USP35: variants seen among roughly 807,000 people sequenced by gnomAD.
USP35 encodes the protein ubiquitin carboxyl-terminal hydrolase 35.
A neutral mutation model predicts 83.8 loss-of-function variants in USP35; 69 were observed. That is an observed-to-expected ratio of 0.82 (90% confidence interval 0.68 to 1.01). USP35 has a LOEUF of 1.01. Ranked by LOEUF, USP35 falls within the 50% of genes least tolerant of loss-of-function variation. The pLI is 0.00. For synonymous variants in USP35, 714 were observed against 589.5 expected, an observed-to-expected ratio of 1.21 and a Z score of -3.06; for missense variants, 1,503 against 1,362.5, an observed-to-expected ratio of 1.10 and a Z score of -1.62.
chr11:78,200,645 C>T lies in USP35; in HGVS notation c.1039-5C>T, dbSNP rs1420354396. On this transcript the variant is annotated splice_region_variant and splice_polypyrimidine_tract_variant and intron_variant, in intron 5 of 10. Coordinates refer to ENST00000529308, the MANE Select transcript of USP35 (RefSeq NM_020798.4). ...GCTGAGCCTGACGCAGCTCTGCTCC[C>T]ACAGCTCCTCCCTCACATCCCCCCC... 1.9e-6 allele frequency: 3 copies of T among 1,605,702 alleles called. No homozygotes were observed. Among genetic ancestry groups the T allele is most frequent in the South Asian group, 2.2e-5 (2 of 90,170 alleles).
intron 9 of USP35, 79 bp downstream of exon 9, chr11:78,209,042 G>T: frequency 7.1e-7 from 1 of 1,417,038 alleles, no homozygotes; most frequent in East Asian, 2.3e-5. Flanking sequence ...GAGCTGTGTT[G>T]CAGCGTCCAG....
chr11:78,215,623 C>CTAGATTTCAAGACACAAGT (rs1316406283), downstream of USP35: 8 of 152,314 alleles, frequency 5.3e-5, no homozygotes, highest in African/African-American at 1.7e-4. Flanking sequence ...TGAAATAATT[C>CTAGATTTCAAGACACAAGT]TAGATTTCAA....
At chr11:78,226,780 G>T in the USP35 span, 2 of 1,614,138 alleles carry the variant, frequency 1.2e-6, no homozygotes, top group Non-Finnish European at 1.7e-6. Context: ...GTGTTGCTGG[G>T]CGTCTTGAAG....
chr11:78,209,745 C>G lies in USP35; in HGVS notation c.1890C>G (p.Thr630=), dbSNP rs548909888. ...DITARELPPP[T]SAQGPGRVGP... ...CAGCCCGGGAGTTGCCCCCACCAAC[C>G]AGTGCACAGGGGCCAGGCAGGGTGG... Residue 630 remains threonine (T), a synonymous_variant, in exon 10 of 11, where the codon ACC becomes ACG. Transcript: ENST00000529308. 7 of 1,614,066 alleles carry G rather than the reference C, an allele frequency of 4.3e-6. No individual in the cohort carries two copies. The East Asian group carries it at 1.6e-4, about 36-fold the overall frequency.
chr11:78,232,416 T>C, the USP35 span, among the ~76,000 whole-genome samples: 1 of 152,202 alleles, frequency 6.6e-6, no homozygotes. Flanking sequence ...GAATCTGGAA[T>C]GAGGCCCCAA....
chr11:78,218,203 G>A (rs1034812928), downstream of USP35: 27 of 153,884 alleles, frequency 1.8e-4, no homozygotes, highest in Non-Finnish European at 5.8e-5. Flanking sequence ...CGACCCCACT[G>A]CAGAGTCCCC....
At chr11:78,201,653 G>A (rs960296368) in intron 6 of USP35, among the ~76,000 whole-genome samples, 1 of 152,150 alleles carries the variant, frequency 6.6e-6, no homozygotes, top group Non-Finnish European at 1.5e-5. Flanking sequence ...TAACATCTGT[G>A]GCTACTGCTA....
At position 78,196,170 on chromosome 11, in the gene USP35, G is replaced by T; in HGVS notation, c.-10-66G>T. 6.7e-7 allele frequency: 1 copy of T among 1,497,610 alleles called. No individual in the cohort carries two copies. The highest frequency in any genetic ancestry group is 8.8e-7 in the Non-Finnish European group (1 of 1,134,406). The allele number at this position is 1,497,610 out of a possible 1,614,324, so 92.8% of individuals were successfully genotyped here. A position where few individuals can be genotyped will look rare whatever the true frequency, so the allele number is the denominator to read the frequency against. ...CTTGCCCTAAGTCTCAGCACTCGGG[G>T]ACTGCACCGGGAACTCTTGAGCCCC... On this transcript the variant is annotated intron_variant, in intron 1 of 10. Coordinates refer to ENST00000529308, the MANE Select transcript of USP35 (RefSeq NM_020798.4). The surrounding 1 kb of genome is among the most constrained non-coding windows in gnomAD (Gnocchi z 4.8).
the USP35 span, chr11:78,232,035 C>T: frequency 6.6e-6 from 1 of 152,228 alleles, no homozygotes; most frequent in Admixed American, 6.5e-5. Flanking sequence ...ATCTCAAACC[C>T]TTCTGGCTGC....
At chr11:78,223,776 G>T in the USP35 span, 1 of 1,009,702 alleles carries the variant, frequency 9.9e-7, no homozygotes, top group Non-Finnish European at 1.5e-6. Flanking sequence ...TCATGACTGG[G>T]TTAGCTATAC....
chr11:78,220,246 AC>A, the USP35 span: 1 of 1,548,622 alleles, frequency 6.5e-7, no homozygotes, highest in Non-Finnish European at 8.9e-7. Context: ...TGTTGAAGGC[AC>A]CCTGGCCTCC....
chr11:78,196,496 G>T lies in USP35; in HGVS notation c.251G>T (p.Arg84Leu). The T allele has an allele frequency of 8.1e-7, 1 of 1,227,270 alleles. No individual in the cohort carries two copies. The allele number at this position is 1,227,270 out of a possible 1,614,324, so 76.0% of individuals were successfully genotyped here. ...TTCGCCGAGTTCTTCAGCGCGCGTC[G>T]CGTGCTGCGCCTGCTGCAGGGTGGC... ...DVFAEFFSARRVLRLLQGGAG... is the reference protein window; with the variant it reads ...DVFAEFFSARLVLRLLQGGAG... Residue 84 changes from arginine (R) to leucine (L), a missense_variant, in exon 2 of 11, where the codon CGC becomes CTC. Transcript: ENST00000529308. This position sits in a 1 kb window ranked among gnomAD's most constrained non-coding sequence, Gnocchi z 4.8.
At chr11:78,215,668 A>G (rs1277597067), downstream of USP35, 2 of 152,264 alleles carry the variant, frequency 1.3e-5, no homozygotes, top group Admixed American at 1.3e-4. Flanking sequence ...AACACATGCC[A>G]CCATAAATCA....
chr11:78,234,332 C>G, the USP35 span, among the ~76,000 whole-genome samples: 1 of 152,216 alleles, frequency 6.6e-6, no homozygotes, highest in African/African-American at 2.4e-5. Flanking sequence ...ATCTGCCCTT[C>G]TTAGTCTTCC....
In USP35 at chr11:78,199,633, T is replaced by C; in HGVS notation, c.845T>C (p.Ile282Thr). ...DWVSWPLGKN[I>T]DKWIIALLKG... Reference sequence around the variant, plus strand: ...GTGTCCTGGCCCCTGGGGAAGAATATTGACAAGTGGATCATTGCACTGCTG... The same window carrying C: ...GTGTCCTGGCCCCTGGGGAAGAATACTGACAAGTGGATCATTGCACTGCTG... Residue 282 changes from isoleucine to threonine, a missense_variant, in exon 4 of 11, where the codon ATT (isoleucine) becomes ACT (threonine). Ile to Thr is a moderately conservative substitution (Grantham distance 89). Transcript: ENST00000529308. The C allele has an allele frequency of 6.2e-7, 1 of 1,614,194 alleles. No individual in the cohort carries two copies. Among genetic ancestry groups the C allele is most frequent in the Non-Finnish European group, 8.5e-7 (1 of 1,180,012 alleles).
chr11:78,203,893 T>TC (rs1384304754), intron 6 of USP35, among the ~76,000 whole-genome samples: 1 of 127,330 alleles, frequency 7.9e-6, no homozygotes, highest in African/African-American at 3.0e-5. Context: ...TTTTCTTTTC[T>TC]TTTTTTTTTT....
chr11:78,236,156 A>T, the USP35 span, among the ~76,000 whole-genome samples: 1 of 152,162 alleles, frequency 6.6e-6, no homozygotes, highest in Non-Finnish European at 1.5e-5. Context: ...GAGGTGTTGC[A>T]TGTTTGTTGT....
At position 78,209,674 on chromosome 11, in the gene USP35, C is replaced by G. The variant is rs532655781; in HGVS notation, c.1819C>G (p.Arg607Gly). 1 of 1,613,590 alleles carries G rather than the reference C, an allele frequency of 6.2e-7. No homozygotes were observed. The change falls in exon 10 of 11, where the codon CGC becomes GGC. Residue 607 changes from arginine to glycine, a missense_variant. Transcript: ENST00000529308. Reference sequence around the variant, plus strand: ...CGCCTTCCCTCCTCCTGAGCGCTGTCGCCGCCGCCGCCTGGGCTCTGTGAT... The same window carrying G: ...CGCCTTCCCTCCTCCTGAGCGCTGTGGCCGCCGCCGCCTGGGCTCTGTGAT... ...SLAFPPPERC[R>G]RRRLGSVMRP...
downstream of USP35, chr11:78,219,440 G>A: frequency 1.2e-6 from 2 of 1,611,974 alleles, no homozygotes; most frequent in East Asian, 2.2e-5. Flanking sequence ...TGGGAAAGAG[G>A]GAGTAGCTGT....
Sources: allele counts gnomAD v4.1 joint callset (sites outside exome capture counted in the v4.1 genomes callset), GRCh38; gene constraint gnomAD v4.1.1; non-coding constraint Gnocchi (gnomAD v3.1); transcripts MANE v1.5; gene names NCBI Gene and HGNC (gene_info 2026-07-23, HGNC 2026-07-21).